Variants in SEC11A observed in about 807,000 individuals in gnomAD.
SEC11A encodes the protein SEC11 homolog A, signal peptidase complex subunit.
In SEC11A, 14 loss-of-function variants were observed where a neutral mutation model predicts 25.6. The observed-to-expected ratio is 0.55, with a 90% CI of 0.36 to 0.85. The LOEUF (loss-of-function observed/expected upper bound fraction) is 0.85, where lower values mean the gene tolerates loss of function less well. Ranked by LOEUF, SEC11A falls within the 40% of genes least tolerant of loss-of-function variation. SEC11A has a pLI of 0.01. For missense variants in SEC11A, 153 were observed against 222.9 expected, an observed-to-expected ratio of 0.69 and a Z score of 2.00; for synonymous variants, 83 against 76.4, an observed-to-expected ratio of 1.09 and a Z score of -0.45.
At chr15:84,714,154 T>C (rs1002117593) in intron 1 of SEC11A, among the ~76,000 whole-genome samples, 5 of 150,242 alleles carry the variant, frequency 3.3e-5, no homozygotes, top group Non-Finnish European at 5.9e-5. Flanking sequence ...TAGCTGGAAC[T>C]ACAGGCGTGC....
At position 84,687,612 on chromosome 15, in the gene SEC11A, A is replaced by C; in HGVS notation, c.311+13T>G. 1 of 1,562,944 alleles carries C rather than the reference A, an allele frequency of 6.4e-7. No homozygotes were observed. The highest frequency in any genetic ancestry group is 1.4e-5 in the African/African-American group (1 of 71,762). ...AAGCACTTAGAAACAAAGATGCTATACTTTGCACATACTTTTCATGAATCT... is the reference window on the plus strand; with the variant it reads ...AAGCACTTAGAAACAAAGATGCTATCCTTTGCACATACTTTTCATGAATCT... On this transcript the variant is annotated intron_variant, in intron 3 of 5. Coordinates refer to ENST00000268220, the MANE Select transcript of SEC11A (RefSeq NM_014300.4).
intron 4 of SEC11A, chr15:84,671,377 G>T (rs1896978830): frequency 6.6e-6 from 1 of 152,122 alleles, no homozygotes; most frequent in Admixed American, 6.5e-5. Flanking sequence ...GGCAGCATTT[G>T]ACTTTCATGA....
At chr15:84,714,774 A>C (rs1418137104) in intron 1 of SEC11A, 2 of 152,172 alleles carry the variant, frequency 1.3e-5, no homozygotes, top group Non-Finnish European at 1.5e-5. Context: ...AGAGCTCAAA[A>C]AAGTTATTGT....
chr15:84,670,751 G>A lies in SEC11A; in HGVS notation c.463C>T (p.Leu155Phe), dbSNP rs1354702763. 2.1e-6 allele frequency: 3 copies of A among 1,459,382 alleles called. No individual in the cohort carries two copies. Among genetic ancestry groups the A allele is most frequent in the East Asian group, 2.4e-5 (1 of 42,502 alleles). 90.4% of individuals were successfully genotyped at this position (1,459,382 alleles called of 1,614,324 possible). ...FVPYIGIVTI[L>F]MNDYPKFKYA... ...TTAAATTTAGGATAGTCATTCATGAGGATCGTCACAATTCCAATATAAGGA... is the reference window on the plus strand; with the variant it reads ...TTAAATTTAGGATAGTCATTCATGAAGATCGTCACAATTCCAATATAAGGA... The change falls in exon 5 of 6, where the codon CTC becomes TTC. Residue 155 changes from leucine to phenylalanine, a missense_variant. Physicochemically the swap from Leu to Phe is conservative, Grantham distance 22 (BLOSUM62 0). Coordinates refer to ENST00000268220, the MANE Select transcript of SEC11A (RefSeq NM_014300.4).
At chr15:84,687,986 CACTA>C (rs1897480917) in intron 2 of SEC11A, among the ~76,000 whole-genome samples, 1 of 152,170 alleles carries the variant, frequency 6.6e-6, no homozygotes, top group Non-Finnish European at 1.5e-5. Flanking sequence ...TATTAACCTT[CACTA>C]ACTAGTTCCA....
intron 1 of SEC11A, among the ~76,000 whole-genome samples, chr15:84,700,931 CATCACGCCAT>C (rs1897917283): frequency 7.6e-6 from 1 of 131,542 alleles, no homozygotes; most frequent in Admixed American, 9.0e-5. Flanking sequence ...AGTAAGCCGA[CATCACGCCAT>C]TGCATGTACT....
intron 1 of SEC11A, among the ~76,000 whole-genome samples, chr15:84,695,978 C>T (rs7162474): frequency 0.84 from 128,398 of 152,238 alleles, 54,595 homozygotes; most frequent in African/African-American, 0.96. Flanking sequence ...TTTAAGTCCA[C>T]GCTAATGGCC....
intron 1 of SEC11A, among the ~76,000 whole-genome samples, chr15:84,706,625 C>T (rs1341829387): frequency 6.6e-6 from 1 of 152,208 alleles, no homozygotes; most frequent in South Asian, 2.1e-4. Flanking sequence ...TGACCAATTA[C>T]AGAAACAAAG....
intron 1 of SEC11A, among the ~76,000 whole-genome samples, chr15:84,694,085 T>C (rs1897688460): frequency 6.6e-6 from 1 of 152,186 alleles, no homozygotes; most frequent in South Asian, 2.1e-4. Flanking sequence ...CCAGGTGCAG[T>C]GGCTCACATC....
At chr15:84,679,338 T>C in intron 4 of SEC11A, 1 of 747,776 alleles carries the variant, frequency 1.3e-6, no homozygotes, top group African/African-American at 1.8e-5. Flanking sequence ...AAAAGTTCCT[T>C]AAAGCGGGGA....
chr15:84,691,548 C>T lies in SEC11A; in HGVS notation c.148G>A (p.Val50Ile). 1 of 1,602,790 alleles carries T rather than the reference C, an allele frequency of 6.2e-7. No homozygotes were observed. The highest frequency in any genetic ancestry group is 8.5e-7 in the Non-Finnish European group (1 of 1,170,768). Residue 50 changes from valine (V) to isoleucine (I), a missense_variant, in exon 2 of 6, where the codon GTA becomes ATA. Coordinates refer to ENST00000268220, the MANE Select transcript of SEC11A (RefSeq NM_014300.4). ...AAAAACTGTTACCTGAGCACCACTA[C>T]AATCGGACTTTCACTTCCAGTTATT... ...MVITGSESPI[V>I]VVLSGSMEPA... is the part of the protein sequence containing the mutation.
At chr15:84,698,659 C>T (rs1461272063) in intron 1 of SEC11A, among the ~76,000 whole-genome samples, 1 of 152,146 alleles carries the variant, frequency 6.6e-6, no homozygotes, top group Non-Finnish European at 1.5e-5. Flanking sequence ...CTTTAAAAAT[C>T]TGTTAAATCT....
At chr15:84,673,063 T>G (rs1445705309) in intron 4 of SEC11A, 2 of 165,192 alleles carry the variant, frequency 1.2e-5, no homozygotes, top group South Asian at 1.0e-4. Context: ...AGCCCCTCCG[T>G]CCGGCAGCCA....
intron 3 of SEC11A, chr15:84,686,806 C>T (rs1897438772): frequency 6.6e-6 from 1 of 152,190 alleles, no homozygotes; most frequent in Non-Finnish European, 1.5e-5. Context: ...TCACACAATC[C>T]TCCCACCTCA....
At chr15:84,674,141 G>T (rs1415369357) in intron 4 of SEC11A, among the ~76,000 whole-genome samples, 1 of 151,794 alleles carries the variant, frequency 6.6e-6, no homozygotes, top group Non-Finnish European at 1.5e-5. Flanking sequence ...TCCAAGAGCT[G>T]AAAAGTAACA....
In SEC11A at chr15:84,680,790, A is replaced by G. The variant is rs920281797; in HGVS notation, c.354T>C (p.Asn118=). The change falls in exon 4 of 6, where the codon AAT becomes AAC. Residue 118 remains asparagine (N), a synonymous_variant. Coordinates refer to ENST00000268220, the MANE Select transcript of SEC11A (RefSeq NM_014300.4). ...TATAGAGGCCTCGGTCATCAACCGC[A>G]TTATTATCTCCTTTGGTCAAAAACT... ...HIKFLTKGDN[N]AVDDRGLYKQ... is the part of the protein sequence containing the mutation. 2 of 1,611,968 alleles carry G rather than the reference A, an allele frequency of 1.2e-6. No homozygotes were observed. Among genetic ancestry groups the G allele is most frequent in the African/African-American group, 2.7e-5 (2 of 75,010 alleles).
chr15:84,701,633 C>T (rs1403193811), intron 1 of SEC11A, among the ~76,000 whole-genome samples: 3 of 151,926 alleles, frequency 2.0e-5, no homozygotes, highest in Non-Finnish European at 4.4e-5. Context: ...CAATTATATG[C>T]TGCCTACAAA....
rs1398640233 is a variant in SEC11A, at chr15:84,684,010, GA to G, written c.312-3179del. 7.4e-4 allele frequency among the ~76,000 whole-genome samples: 112 copies of G among 152,232 alleles called. 1 individual carries two copies. The highest frequency in any genetic ancestry group is 7.4e-5 in the Non-Finnish European group (5 of 68,014). On this transcript the variant is annotated intron_variant, in intron 3 of 5. Coordinates refer to ENST00000268220, the MANE Select transcript of SEC11A (RefSeq NM_014300.4). Reference sequence around the variant, plus strand: ...ACCCATCACAATACTGTGAAATTAGGAAGAAGGAAATAACCACTTTACAGAT... The same window carrying G: ...ACCCATCACAATACTGTGAAATTAGGAGAAGGAAATAACCACTTTACAGAT...
chr15:84,669,980 A>G lies in SEC11A; in HGVS notation c.*39T>C, dbSNP rs771788666. 9.3e-6 allele frequency: 15 copies of G among 1,613,196 alleles called. No individual in the cohort carries two copies. Among genetic ancestry groups the G allele is most frequent in the Non-Finnish European group, 1.3e-5 (15 of 1,179,660 alleles). On this transcript the variant is annotated 3_prime_UTR_variant, in exon 6 of 6. Coordinates refer to ENST00000268220, the MANE Select transcript of SEC11A (RefSeq NM_014300.4). ...ATCTACTCCAAACATCCAGTAACGA[A>G]AACTATGGCATCTTCCCAGGAACAG...
Sources: allele counts gnomAD v4.1 joint callset (sites outside exome capture counted in the v4.1 genomes callset), GRCh38; gene constraint gnomAD v4.1.1; transcripts MANE v1.5; gene names NCBI Gene and HGNC (gene_info 2026-07-23, HGNC 2026-07-21).